KHDC1: variants seen among roughly 807,000 people sequenced by gnomAD.
KHDC1 encodes the protein KH domain containing 1.
Under a neutral mutation model 24.7 loss-of-function variants are expected in KHDC1, and 21 were observed. The observed-to-expected ratio is 0.85, with a 90% CI of 0.60 to 1.23. KHDC1 has a LOEUF of 1.23. Among genes scored for constraint, KHDC1 ranks in the 50% most tolerant of loss-of-function variants. KHDC1 has a pLI of 0.00. For missense variants in KHDC1, 274 were observed against 298.5 expected (o/e 0.92, Z 0.61); for synonymous variants, 98 against 111.7 (o/e 0.88, Z 0.77).
chr6:73,278,701 ATTG>A lies in KHDC1; in HGVS notation c.206+13294_206+13296del, dbSNP rs756611368. Among the ~76,000 whole-genome samples, 9 of 151,976 alleles carry A rather than the reference ATTG, an allele frequency of 5.9e-5. No individual in the cohort carries two copies. The South Asian group carries it at 1.5e-3, about 25-fold the overall frequency. ...GTATATTGTTGTAATTTTTTGTTTT[ATTG>A]TTGTTAATTTCTTACTGTGCCTAAC... On this transcript the variant is annotated intron_variant, in intron 2 of 4. Coordinates refer to ENST00000370384, the Ensembl canonical transcript of KHDC1.
chr6:73,282,832 C>G (rs1449803349), intron 2 of KHDC1, among the ~76,000 whole-genome samples: 4 of 152,154 alleles, frequency 2.6e-5, no homozygotes, highest in African/African-American at 9.7e-5. Context: ...CTGTCCTTCC[C>G]CCACCCACCA....
chr6:73,255,409 G>A (rs1766863552), intron 2 of KHDC1, among the ~76,000 whole-genome samples: 1 of 150,246 alleles, frequency 6.7e-6, no homozygotes, highest in Admixed American at 6.6e-5. Context: ...AATAGAGACA[G>A]GGTTTCACCA....
At chr6:73,282,180 T>C (rs1418354158) in intron 2 of KHDC1, among the ~76,000 whole-genome samples, 1 of 137,454 alleles carries the variant, frequency 7.3e-6, no homozygotes, top group Non-Finnish European at 1.6e-5. Flanking sequence ...ATTACACCAC[T>C]GCACTCCAGC....
At chr6:73,252,042 T>C (rs1352272347) in intron 2 of KHDC1, among the ~76,000 whole-genome samples, 1 of 146,236 alleles carries the variant, frequency 6.8e-6, no homozygotes, top group Non-Finnish European at 1.5e-5. Flanking sequence ...AATCATATCT[T>C]TTTTTTTTTT....
chr6:73,255,602 T>G, intron 2 of KHDC1, among the ~76,000 whole-genome samples: 1 of 149,504 alleles, frequency 6.7e-6, no homozygotes, highest in Non-Finnish European at 1.5e-5. Context: ...CTTGCGGTCA[T>G]TAGAAAGTGA....
rs370446904 is a variant in KHDC1 at position 73,298,423 on chromosome 6, A to ATTTTTTTTTTTTTTTTTTT, written c.164-6402_164-6384dup. ...CCTGGAAGGACTCTATACTTTGCAA[A>ATTTTTTTTTTTTTTTTTTT]TTTTTTTTTTTTTTTTTTTTTTTTT... On this transcript the variant is annotated intron_variant, in intron 1 of 4. Coordinates refer to ENST00000370384, the Ensembl canonical transcript of KHDC1. Among the ~76,000 whole-genome samples the ATTTTTTTTTTTTTTTTTTT allele has an allele frequency of 1.3e-4, 8 of 59,976 alleles. 1 individual carries two copies. Among genetic ancestry groups the ATTTTTTTTTTTTTTTTTTT allele is most frequent in the African/African-American group, 6.0e-4 (8 of 13,290 alleles). The allele number at this position is 59,976 out of a possible 152,430, so 39.3% of individuals were successfully genotyped here.
chr6:73,306,013 T>A (rs921816808), intron 1 of KHDC1, among the ~76,000 whole-genome samples: 3 of 152,206 alleles, frequency 2.0e-5, no homozygotes, highest in African/African-American at 7.2e-5. Flanking sequence ...AGTTTTGGGT[T>A]ATTAGTTATG....
At chr6:73,264,324 G>A (rs564879456) in intron 2 of KHDC1, among the ~76,000 whole-genome samples, 1 of 152,222 alleles carries the variant, frequency 6.6e-6, no homozygotes, top group South Asian at 2.1e-4. Flanking sequence ...ATGAGTGAGG[G>A]GACACAGACA....
At chr6:73,300,140 T>G (rs977986843) in intron 1 of KHDC1, 2 of 152,456 alleles carry the variant, frequency 1.3e-5, no homozygotes, top group African/African-American at 4.8e-5. Flanking sequence ...AGCCCTGACC[T>G]CCGTCCCACA....
At chr6:73,303,870 T>G (rs76309620) in intron 1 of KHDC1, among the ~76,000 whole-genome samples, 6,358 of 152,230 alleles carry the variant, frequency 0.042, 145 homozygotes, top group Middle Eastern at 0.065. Flanking sequence ...ATGCAAATAA[T>G]TTCTTGGTTT....
In KHDC1 at chr6:73,265,281, G is replaced by T. The variant is rs115294785; in HGVS notation, c.207-22751C>A. 3.0e-3 allele frequency among the ~76,000 whole-genome samples: 450 copies of T among 152,272 alleles called. 5 individuals are homozygous for T. The highest frequency in any genetic ancestry group is 0.01 in the African/African-American group (434 of 41,552). On this transcript the variant is annotated intron_variant, in intron 2 of 4. Coordinates refer to ENST00000370384, the Ensembl canonical transcript of KHDC1. ...TAGTAACTCTGTCTGTACTGAAGAA[G>T]GAATTCGGTGTACAGAAAAGAGGTC...
chr6:73,282,400 T>C (rs939614125), intron 2 of KHDC1, among the ~76,000 whole-genome samples: 1 of 152,048 alleles, frequency 6.6e-6, no homozygotes, highest in Non-Finnish European at 1.5e-5. Context: ...ACCAACTCCA[T>C]CTTGCTTCTA....
chr6:73,270,225 T>G (rs1767155485), intron 2 of KHDC1: 1 of 152,244 alleles, frequency 6.6e-6, no homozygotes, highest in East Asian at 1.9e-4. Flanking sequence ...TTTTTGGTTT[T>G]CTGTTCTATT....
At chr6:73,291,073 T>G (rs568614642) in intron 2 of KHDC1, 63 of 437,078 alleles carry the variant, frequency 1.4e-4, no homozygotes, top group Non-Finnish European at 2.5e-4. Flanking sequence ...TCAAAGTGAA[T>G]GGACTGCTGT....
rs867807180 is a variant in KHDC1 at position 73,295,030 on chromosome 6, T to C, written c.164-2990A>G. 2.0e-5 allele frequency among the ~76,000 whole-genome samples: 3 copies of C among 152,140 alleles called. No individual in the cohort carries two copies. The South Asian group carries it at 6.2e-4, about 32-fold the overall frequency. On this transcript the variant is annotated intron_variant, in intron 1 of 4. Coordinates refer to ENST00000370384, the Ensembl canonical transcript of KHDC1. ...GTCACCAGGTGTGGTGGCACACACC[T>C]GTGGTCCCAGCTACTTGGGAGGCTG... is the stretch of plus-strand genomic sequence containing the variant.
At chr6:73,242,214 A>G in exon 4 of KHDC1, 2 of 1,613,706 alleles carry the variant, frequency 1.2e-6, no homozygotes, top group South Asian at 2.2e-5. Context: ...ACCTCAATGC[A>G]GCGAAGGTAT....
At chr6:73,286,331 T>G (rs1343863312) in intron 2 of KHDC1, among the ~76,000 whole-genome samples, 2 of 152,232 alleles carry the variant, frequency 1.3e-5, no homozygotes, top group Non-Finnish European at 2.9e-5. Context: ...TCACATTAAT[T>G]TCTCAGATTC....
intron 1 of KHDC1, among the ~76,000 whole-genome samples, chr6:73,298,816 C>G (rs928218055): frequency 6.6e-5 from 10 of 152,132 alleles, no homozygotes; most frequent in Non-Finnish European, 1.5e-4. Flanking sequence ...TAGCTCACTG[C>G]AGCCTCCAAC....
intron 1 of KHDC1, among the ~76,000 whole-genome samples, chr6:73,301,699 A>C (rs941927526): frequency 6.6e-6 from 1 of 151,942 alleles, no homozygotes; most frequent in Non-Finnish European, 1.5e-5. Context: ...TGGCACAATC[A>C]CAGCTCACTG....
Sources: gnomAD v4.1 joint callset for allele counts (sites outside exome capture counted in the v4.1 genomes callset) on GRCh38, gnomAD v4.1.1 for gene constraint, MANE v1.5 for transcripts, NCBI Gene and HGNC (gene_info 2026-07-23, HGNC 2026-07-21) for gene names.